The following FREM1 variants were observed in gnomAD, a reference collection of about 807,000 sequenced individuals.
FREM1 encodes FRAS1 related extracellular matrix 1.
Under a neutral mutation model 210.1 loss-of-function variants are expected in FREM1, and 220 were observed. That is an observed-to-expected ratio of 1.05 (90% CI 0.94 to 1.17). FREM1 has a LOEUF of 1.17. Ranked by LOEUF, FREM1 falls within the 50% of genes most tolerant of loss-of-function variation. The pLI is 0.00. For synonymous variants in FREM1, 1,189 were observed against 980.2 expected (o/e 1.21, Z -3.98); for missense variants, 3,454 against 2,675.5 (o/e 1.29, Z -6.42).
chr9:14,775,246 T>C (rs747336946), intron 25 of FREM1, among the ~76,000 whole-genome samples: 1 of 152,168 alleles, frequency 6.6e-6, no homozygotes, highest in Non-Finnish European at 1.5e-5. Flanking sequence ...GCTAGGTCTG[T>C]CTGACTCCAA....
chr9:14,776,015 A>G lies in FREM1; in HGVS notation c.4631T>C (p.Phe1544Ser). 1.9e-6 allele frequency: 3 copies of G among 1,613,940 alleles called. No individual in the cohort carries two copies. The highest frequency in any genetic ancestry group is 2.5e-6 in the Non-Finnish European group (3 of 1,179,874). ...DPDTPAENLTFLLVQLPQHGQ... is the reference protein window; with the variant it reads ...DPDTPAENLTSLLVQLPQHGQ... Reference sequence around the variant, plus strand: ...ATGCTGGGGGAGCTGAACCAAGAGGAAGGTGAGGTTCTCCGCAGGTGTATC... The same window carrying G: ...ATGCTGGGGGAGCTGAACCAAGAGGGAGGTGAGGTTCTCCGCAGGTGTATC... The change falls in exon 25 of 37, where the codon TTC (phenylalanine) becomes TCC (serine). Residue 1544 changes from phenylalanine to serine, a missense_variant. Coordinates refer to ENST00000380880, the MANE Select transcript of FREM1 (RefSeq NM_001379081.2).
At chr9:14,814,380 C>T (rs150584463) in intron 15 of FREM1, among the ~76,000 whole-genome samples, 1 of 152,188 alleles carries the variant, frequency 6.6e-6, no homozygotes, top group East Asian at 1.9e-4. Context: ...TAAGGCTTGG[C>T]AAAGAAAGCA....
rs1400525559 is a variant in FREM1, at chr9:14,801,663, A to T, written c.3683T>A (p.Leu1228His). ...HAPVHSFSME[L>H]LKTGMRLTYM... ...GGAACATGCTATACCAGTCTTGAGG[A>T]GTTCCATGGAAAAGCTGTGAACAGG... The change falls in exon 20 of 37, where the codon CTC becomes CAC. Residue 1228 changes from leucine to histidine, a missense_variant. Transcript: ENST00000380880. 6.2e-6 allele frequency: 10 copies of T among 1,607,258 alleles called. No individual in the cohort carries two copies. Among genetic ancestry groups the T allele is most frequent in the Middle Eastern group, 3.3e-4 (2 of 6,074 alleles).
chr9:14,772,373 C>G (rs1403619141), intron 25 of FREM1, among the ~76,000 whole-genome samples: 1 of 151,972 alleles, frequency 6.6e-6, no homozygotes, highest in African/African-American at 2.4e-5. Flanking sequence ...ATCATGTTAT[C>G]AGGAATATGA....
chr9:14,824,824 T>C lies in FREM1; in HGVS notation c.2050A>G (p.Thr684Ala). The part of the protein sequence containing the change: ...YDRELVYTIT[T>A]PPFFSFSHRH... ...TGGCTGAAGGAGAAAAATGGAGGAGTAGTTATTGTGTAGACCAGCTCCCTG... is the reference window on the plus strand; with the variant it reads ...TGGCTGAAGGAGAAAAATGGAGGAGCAGTTATTGTGTAGACCAGCTCCCTG... The change falls in exon 11 of 37, where the codon ACT becomes GCT. Residue 684 changes from threonine (T) to alanine (A), a missense_variant. Physicochemically the swap from Thr to Ala is moderately conservative, Grantham distance 58 (BLOSUM62 0). Coordinates refer to ENST00000380880, the MANE Select transcript of FREM1 (RefSeq NM_001379081.2). 1.2e-6 allele frequency: 2 copies of C among 1,611,366 alleles called. No homozygotes were observed. Among genetic ancestry groups the C allele is most frequent in the Non-Finnish European group, 1.7e-6 (2 of 1,178,808 alleles).
At chr9:14,861,445 T>A (rs1256590718) in intron 3 of FREM1, among the ~76,000 whole-genome samples, 1 of 149,544 alleles carries the variant, frequency 6.7e-6, no homozygotes, top group Non-Finnish European at 1.5e-5. Flanking sequence ...CAATGTGTAA[T>A]AATCCCATCT....
chr9:14,893,627 A>C (rs1196496529), intron 1 of FREM1, among the ~76,000 whole-genome samples: 4 of 152,166 alleles, frequency 2.6e-5, no homozygotes, highest in Non-Finnish European at 5.9e-5. Flanking sequence ...AGAAAAGTAA[A>C]AAGTGTAATG....
intron 2 of FREM1, among the ~76,000 whole-genome samples, chr9:14,867,756 C>T (rs1287777317): frequency 6.6e-6 from 1 of 152,110 alleles, no homozygotes; most frequent in Non-Finnish European, 1.5e-5. Flanking sequence ...TCCATTTTTC[C>T]AGAAGCAGCA....
intron 24 of FREM1, chr9:14,779,453 T>C (rs1329956581): frequency 6.1e-6 from 6 of 984,106 alleles, no homozygotes; most frequent in South Asian, 4.7e-5. Flanking sequence ...CAAACCCAAA[T>C]GCAAGCTTGA....
intron 29 of FREM1, 24 bp from the exon 30 acceptor site, chr9:14,750,300 T>C (rs1195148747): frequency 6.4e-7 from 1 of 1,568,332 alleles, no homozygotes; most frequent in African/African-American, 1.4e-5. Flanking sequence ...ACATTTTAAT[T>C]ACTCTTTAAT....
chr9:14,820,127 T>C (rs1307097345), intron 13 of FREM1, among the ~76,000 whole-genome samples: 1 of 152,228 alleles, frequency 6.6e-6, no homozygotes, highest in Non-Finnish European at 1.5e-5. Context: ...TATCACCTCA[T>C]TGGGAGGGAG....
chr9:14,780,747 C>T (rs1297981108), intron 24 of FREM1, among the ~76,000 whole-genome samples: 1 of 152,164 alleles, frequency 6.6e-6, no homozygotes, highest in Non-Finnish European at 1.5e-5. Flanking sequence ...TTCTACCCAG[C>T]CAAATTCCTT....
At chr9:14,847,892 G>A (rs1317181934) in intron 7 of FREM1, among the ~76,000 whole-genome samples, 1 of 152,132 alleles carries the variant, frequency 6.6e-6, no homozygotes, top group East Asian at 1.9e-4. Flanking sequence ...CCTTGACAGA[G>A]GTACAGTAGG....
intron 15 of FREM1, among the ~76,000 whole-genome samples, chr9:14,813,699 G>A (rs1457239307): frequency 6.6e-6 from 1 of 152,176 alleles, no homozygotes; most frequent in Non-Finnish European, 1.5e-5. Context: ...AAAGCGACAT[G>A]GGATCACGCT....
intron 27 of FREM1, among the ~76,000 whole-genome samples, chr9:14,765,231 T>C (rs1248572767): frequency 1.3e-5 from 2 of 152,244 alleles, no homozygotes; most frequent in Admixed American, 1.3e-4. Flanking sequence ...TCGAATGCTA[T>C]GAACACCTGT....
chr9:14,826,762 G>A (rs146974892), intron 10 of FREM1, among the ~76,000 whole-genome samples: 232 of 152,206 alleles, frequency 1.5e-3, no homozygotes, highest in African/African-American at 4.9e-3. Flanking sequence ...TTATAAAAGG[G>A]CTCGAGGGAA....
At position 14,789,114 on chromosome 9, in the gene FREM1, T is replaced by C. The variant is rs371186395; in HGVS notation, c.3982A>G (p.Ile1328Val). ...GAGAGAGGAACCCAGTCCCTCCCTA[T>C]CTGGAAGGAGCCAGAGTTAGTCAGC... Reference protein sequence around the residue: ...LPQNGQLQLKIGRDWVPLSPG... With the variant: ...LPQNGQLQLKVGRDWVPLSPG... Residue 1328 changes from isoleucine to valine, a missense_variant and splice_region_variant, in exon 23 of 37, where the codon ATA becomes GTA. Transcript: ENST00000380880. 3.8e-6 allele frequency: 6 copies of C among 1,577,432 alleles called. No individual in the cohort carries two copies. Among genetic ancestry groups the C allele is most frequent in the East Asian group, 2.3e-5 (1 of 43,412 alleles).
intron 10 of FREM1, 119 bp from the exon 11 acceptor site, chr9:14,825,111 T>A (rs1399496680): frequency 9.2e-6 from 6 of 649,554 alleles, no homozygotes; most frequent in Non-Finnish European, 1.5e-5. Flanking sequence ...ATAATATACT[T>A]CTGTCAAATG....
chr9:14,781,334 A>G (rs983099581), intron 24 of FREM1, among the ~76,000 whole-genome samples: 9 of 152,226 alleles, frequency 5.9e-5, no homozygotes, highest in African/African-American at 2.2e-4. Context: ...GGATTGCACC[A>G]AATCAATGCT....
Sources: allele counts gnomAD v4.1 joint callset (sites outside exome capture counted in the v4.1 genomes callset), GRCh38; gene constraint gnomAD v4.1.1; transcripts MANE v1.5; gene names NCBI Gene and HGNC (gene_info 2026-07-23, HGNC 2026-07-21).